RGS6: variants seen among roughly 807,000 people sequenced by gnomAD.
The protein encoded by RGS6 is regulator of G protein signaling 6.
RGS6 carries 30 observed loss-of-function variants against 78.5 expected under a neutral mutation model. The ratio of observed to expected loss-of-function variants is 0.38; its 90% CI spans 0.29 to 0.52. The LOEUF is 0.52. Among genes scored for constraint, RGS6 ranks in the 20% least tolerant of loss-of-function variants. The pLI is 0.85. For synonymous variants in RGS6, 206 were observed against 206.0 expected (o/e 1.00, Z 0.00); for missense variants, 495 against 609.7 (o/e 0.81, Z 1.98).
chr14:72,344,876 A>G (rs1240172745), intron 2 of RGS6, among the ~76,000 whole-genome samples: 2 of 152,156 alleles, frequency 1.3e-5, no homozygotes. Context: ...CAGATCAGAG[A>G]GGCTTCAGGG....
chr14:72,265,378 C>T (rs961065864), intron 2 of RGS6, among the ~76,000 whole-genome samples: 6 of 152,112 alleles, frequency 3.9e-5, no homozygotes, highest in African/African-American at 1.2e-4. Flanking sequence ...CCACCTGGCT[C>T]AGACACAGGC....
intron 14 of RGS6, among the ~76,000 whole-genome samples, chr14:72,518,141 T>C (rs1031386733): frequency 6.6e-6 from 1 of 152,232 alleles, no homozygotes; most frequent in African/African-American, 2.4e-5. Flanking sequence ...CATTGATCTT[T>C]TAATATGCAA....
chr14:72,034,698 A>G (rs2091425440), intron 2 of RGS6, among the ~76,000 whole-genome samples: 1 of 152,144 alleles, frequency 6.6e-6, no homozygotes, highest in Admixed American at 6.6e-5. Context: ...AAAATTTTCC[A>G]TCTTTTTCAA....
chr14:72,378,433 A>C (rs183820690), intron 3 of RGS6, among the ~76,000 whole-genome samples: 2 of 152,234 alleles, frequency 1.3e-5, no homozygotes, highest in Admixed American at 6.5e-5. Context: ...TTTGGAAAAG[A>C]AAAACAAAAT....
intron 3 of RGS6, among the ~76,000 whole-genome samples, chr14:72,454,108 G>A (rs1226789975): frequency 1.3e-5 from 2 of 152,232 alleles, no homozygotes; most frequent in Non-Finnish European, 2.9e-5. Context: ...ATAGGCCTGT[G>A]CCGGAAGAGA....
intron 2 of RGS6, among the ~76,000 whole-genome samples, chr14:72,346,408 C>T (rs1419516129): frequency 6.6e-6 from 1 of 152,200 alleles, no homozygotes; most frequent in African/African-American, 2.4e-5. Context: ...GGTCATTTCT[C>T]TGTCTGGCTT....
At position 72,418,068 on chromosome 14, in the gene RGS6, C is replaced by T. The variant is rs574570658; in HGVS notation, c.185-36460C>T. On this transcript the variant is annotated intron_variant, in intron 3 of 17. Transcript: ENST00000553525. ...ATCTGCCTGTCCCCACCTGGACATA[C>T]ATGCCAAAAGCCACGGCCCATTTTA... 3.3e-5 allele frequency among the ~76,000 whole-genome samples: 5 copies of T among 152,276 alleles called. No homozygotes were observed. The South Asian group carries it at 6.2e-4, about 19-fold the overall frequency.
chr14:72,430,191 C>T (rs2094571270), intron 3 of RGS6, among the ~76,000 whole-genome samples: 3 of 152,168 alleles, frequency 2.0e-5, no homozygotes, highest in African/African-American at 7.2e-5. Flanking sequence ...TCCATATATG[C>T]AGACAGCCAT....
chr14:71,882,518 G>A, the RGS6 span, among the ~76,000 whole-genome samples: 1 of 152,310 alleles, frequency 6.6e-6, no homozygotes, highest in Middle Eastern at 3.4e-3. Flanking sequence ...CTAGGCAAAA[G>A]ACATTACTGG....
the RGS6 span, chr14:72,629,872 C>T: frequency 1.4e-6 from 1 of 689,676 alleles, no homozygotes; most frequent in East Asian, 2.7e-5. Flanking sequence ...AAATGGGGAC[C>T]CAAACAGGGC....
intron 3 of RGS6, among the ~76,000 whole-genome samples, chr14:72,362,436 A>T (rs1399876675): frequency 3.3e-5 from 5 of 152,216 alleles, no homozygotes; most frequent in Non-Finnish European, 7.3e-5. Context: ...ATGAACCGGC[A>T]ATCTGGGCAG....
At chr14:71,920,056 ATGT>A in the RGS6 span, among the ~76,000 whole-genome samples, 1 of 152,204 alleles carries the variant, frequency 6.6e-6, no homozygotes, top group Non-Finnish European at 1.5e-5. Context: ...TGTTCAATAT[ATGT>A]AGCTAGGTTA....
chr14:71,919,466 G>A, the RGS6 span, among the ~76,000 whole-genome samples: 1 of 152,132 alleles, frequency 6.6e-6, no homozygotes, highest in Non-Finnish European at 1.5e-5. Context: ...TAGGGTGTGT[G>A]TGTGTGTGTG....
chr14:72,615,453 G>A, the RGS6 span, among the ~76,000 whole-genome samples: 7 of 152,324 alleles, frequency 4.6e-5, no homozygotes, highest in East Asian at 3.9e-4. Flanking sequence ...GAAAGGAAGC[G>A]GGCTGTATTC....
intron 3 of RGS6, among the ~76,000 whole-genome samples, chr14:72,436,540 GA>G (rs1214628515): frequency 1.3e-5 from 2 of 152,162 alleles, no homozygotes; most frequent in African/African-American, 4.8e-5. Context: ...CATTCTTCCA[GA>G]GCTTTGATCA....
intron 2 of RGS6, among the ~76,000 whole-genome samples, chr14:71,995,712 A>G (rs1353846314): frequency 6.6e-6 from 1 of 152,204 alleles, no homozygotes; most frequent in African/African-American, 2.4e-5. Flanking sequence ...GTAGTCAAGA[A>G]AATCTTGTCA....
chr14:71,894,005 C>T, the RGS6 span, among the ~76,000 whole-genome samples: 1 of 152,086 alleles, frequency 6.6e-6, no homozygotes, highest in Non-Finnish European at 1.5e-5. Context: ...TTTCTTACTG[C>T]CATAAGAATT....
intron 2 of RGS6, among the ~76,000 whole-genome samples, chr14:72,246,988 T>C (rs941636824): frequency 6.6e-5 from 10 of 152,152 alleles, no homozygotes; most frequent in African/African-American, 2.2e-4. Context: ...GGCTGTCAGA[T>C]ATGCTGGGGA....
intron 2 of RGS6, among the ~76,000 whole-genome samples, chr14:72,154,383 A>G (rs1167747059): frequency 6.6e-6 from 1 of 152,126 alleles, no homozygotes; most frequent in Non-Finnish European, 1.5e-5. Context: ...CGGTATTAAG[A>G]GATTAAAGTA....
Sources: allele counts gnomAD v4.1 joint callset (sites outside exome capture counted in the v4.1 genomes callset), GRCh38; gene constraint gnomAD v4.1.1; transcripts MANE v1.5; gene names NCBI Gene and HGNC (gene_info 2026-07-23, HGNC 2026-07-21).